Variants in DPP6 observed in about 807,000 individuals in gnomAD.
DPP6 encodes the protein A-type potassium channel modulatory protein DPP6.
DPP6 carries 69 observed loss-of-function variants against 122.6 expected under a neutral mutation model. The ratio of observed to expected loss-of-function variants is 0.56; its 90% CI spans 0.46 to 0.69. The LOEUF is 0.69. Among genes scored for constraint, DPP6 ranks in the 30% least tolerant of loss-of-function variants. DPP6 has a pLI of 0.00. For missense variants in DPP6, 928 were observed against 1,116.9 expected (o/e 0.83, Z 2.41); for synonymous variants, 418 against 433.1 (o/e 0.97, Z 0.43).
intron 1 of DPP6, among the ~76,000 whole-genome samples, chr7:153,998,786 A>C (rs1249537239): frequency 3.3e-5 from 5 of 152,244 alleles, no homozygotes; most frequent in Non-Finnish European, 5.9e-5. Flanking sequence ...GACTGTTAGC[A>C]CTGTGAAGAC....
intron 17 of DPP6, among the ~76,000 whole-genome samples, chr7:154,857,087 A>G (rs868064707): frequency 2.0e-5 from 3 of 152,272 alleles, no homozygotes; most frequent in Middle Eastern, 3.4e-3. Flanking sequence ...GGAATATTTC[A>G]TCCCGCCCTA....
intron 7 of DPP6, among the ~76,000 whole-genome samples, chr7:154,694,068 A>T (rs1242235029): frequency 6.6e-6 from 1 of 152,110 alleles, no homozygotes; most frequent in Non-Finnish European, 1.5e-5. Flanking sequence ...TTGCTAGCTG[A>T]TTCTGTGCCT....
chr7:154,304,128 T>C (rs535350002), intron 1 of DPP6, among the ~76,000 whole-genome samples: 1 of 152,316 alleles, frequency 6.6e-6, no homozygotes, highest in East Asian at 1.9e-4. Context: ...GGCTGAACTC[T>C]CAGGCCAGTG....
At position 154,403,653 on chromosome 7, in the gene DPP6, G is replaced by C. The variant is rs959372404; in HGVS notation, c.244-42561G>C. Among the ~76,000 whole-genome samples, 1 of 152,228 alleles carries C rather than the reference G, an allele frequency of 6.6e-6. No homozygotes were observed. The highest frequency in any genetic ancestry group is 1.5e-5 in the Non-Finnish European group (1 of 68,036). ...ATTTCATGGAACCTGTTTGGGGCAC[G>C]TGAAGAGTGGGCCAGAGTGCCAGGG... On this transcript the variant is annotated intron_variant, in intron 1 of 25. Coordinates refer to ENST00000377770, the MANE Select transcript of DPP6 (RefSeq NM_130797.4). This position sits in a 1 kb window ranked among gnomAD's most constrained non-coding sequence, Gnocchi z 4.1.
chr7:154,180,523 T>G (rs943902608), intron 1 of DPP6, among the ~76,000 whole-genome samples: 17 of 143,512 alleles, frequency 1.2e-4, no homozygotes, highest in African/African-American at 4.4e-4. Flanking sequence ...TATATAAATA[T>G]ATAGAGAGTA....
chr7:154,324,864 G>GTTTTTTTTTT (rs1172014611), intron 1 of DPP6, among the ~76,000 whole-genome samples: 2 of 59,562 alleles, frequency 3.4e-5, no homozygotes, highest in African/African-American at 5.0e-5. Flanking sequence ...CTTTCCTTTT[G>GTTTTTTTTTT]TTATTTTTTT....
At chr7:154,561,781 C>A (rs1830441574) in intron 4 of DPP6, among the ~76,000 whole-genome samples, 1 of 151,684 alleles carries the variant, frequency 6.6e-6, no homozygotes, top group Admixed American at 6.6e-5. Context: ...CAATCAAGAG[C>A]AAAGATAATG....
At chr7:154,409,825 A>G (rs1245909984) in intron 1 of DPP6, among the ~76,000 whole-genome samples, 1 of 152,146 alleles carries the variant, frequency 6.6e-6, no homozygotes, top group Non-Finnish European at 1.5e-5. Context: ...TCAACATACC[A>G]TGGTTCTGTA....
intron 1 of DPP6, among the ~76,000 whole-genome samples, chr7:153,988,226 C>T (rs1479519008): frequency 1.3e-5 from 2 of 152,046 alleles, no homozygotes; most frequent in Non-Finnish European, 2.9e-5. Flanking sequence ...GAAGCTGGCG[C>T]CTTTTGCTCC....
intron 2 of DPP6, among the ~76,000 whole-genome samples, chr7:154,470,872 A>G (rs1440866695): frequency 6.6e-6 from 1 of 152,212 alleles, no homozygotes; most frequent in East Asian, 1.9e-4. Flanking sequence ...GTTGCCTTCC[A>G]GTTTAAGAAG....
intron 1 of DPP6, among the ~76,000 whole-genome samples, chr7:154,191,259 C>T (rs1798603829): frequency 6.6e-6 from 1 of 152,158 alleles, no homozygotes; most frequent in East Asian, 1.9e-4. Flanking sequence ...TACATGGTCA[C>T]GGGCATCTTA....
At chr7:154,440,199 C>T (rs1819248842) in intron 1 of DPP6, among the ~76,000 whole-genome samples, 1 of 152,168 alleles carries the variant, frequency 6.6e-6, no homozygotes, top group African/African-American at 2.4e-5. Context: ...CTTCCACCAC[C>T]ACCACATCCC....
intron 14 of DPP6, 145 bp from the exon 15 acceptor site, chr7:154,804,772 G>A (rs1798587333): frequency 1.8e-6 from 2 of 1,139,678 alleles, no homozygotes; most frequent in Non-Finnish European, 2.6e-6. Flanking sequence ...GGTCACAGGT[G>A]TAGCTGGACC....
intron 16 of DPP6, among the ~76,000 whole-genome samples, chr7:154,824,907 C>T (rs574725947): frequency 6.6e-6 from 1 of 152,266 alleles, no homozygotes; most frequent in Non-Finnish European, 1.5e-5. Flanking sequence ...CTGACAGGAA[C>T]CGTTGTGACT....
At chr7:154,442,557 G>A (rs1819477152) in intron 1 of DPP6, among the ~76,000 whole-genome samples, 2 of 152,126 alleles carry the variant, frequency 1.3e-5, no homozygotes, top group Non-Finnish European at 2.9e-5. Context: ...ACATGGAAGG[G>A]AATGACTTGC....
At chr7:153,836,858 C>T in the DPP6 span, among the ~76,000 whole-genome samples, 1 of 152,206 alleles carries the variant, frequency 6.6e-6, no homozygotes, top group South Asian at 2.1e-4. Context: ...ACTCTGACTT[C>T]CAGTTAAAAT....
intron 1 of DPP6, among the ~76,000 whole-genome samples, chr7:154,367,987 T>C (rs1812326890): frequency 6.6e-6 from 1 of 152,078 alleles, no homozygotes; most frequent in African/African-American, 2.4e-5. Context: ...TTTGTATTTT[T>C]AGTAGAGACA....
intron 1 of DPP6, among the ~76,000 whole-genome samples, chr7:153,921,377 A>C (rs1800631486): frequency 6.6e-6 from 1 of 152,268 alleles, no homozygotes; most frequent in South Asian, 2.1e-4. Context: ...ATATTTATTT[A>C]AAATGATGTT....
the DPP6 span, among the ~76,000 whole-genome samples, chr7:153,873,272 A>G: frequency 6.6e-6 from 1 of 152,330 alleles, no homozygotes. Flanking sequence ...TCATGACACA[A>G]ACACCTCTCA....
Sources: allele counts gnomAD v4.1 joint callset (sites outside exome capture counted in the v4.1 genomes callset), GRCh38; gene constraint gnomAD v4.1.1; non-coding constraint Gnocchi (gnomAD v3.1); transcripts MANE v1.5; gene names NCBI Gene and HGNC (gene_info 2026-07-23, HGNC 2026-07-21).